The following EDARADD variants were observed in gnomAD, a reference collection of about 807,000 sequenced individuals.
EDARADD encodes the protein EDAR associated via death domain, also known as ectodysplasin-A receptor-associated adapter protein.
EDARADD carries 20 observed loss-of-function variants against 25.6 expected under a neutral mutation model. The observed-to-expected ratio is 0.78, with a 90% confidence interval of 0.55 to 1.14. The LOEUF is 1.14. Ranked by LOEUF, EDARADD falls within the 50% of genes most tolerant of loss-of-function variation. The pLI is 0.00. For synonymous variants in EDARADD, 86 were observed against 94.4 expected, an observed-to-expected ratio of 0.91 and a Z score of 0.52; for missense variants, 225 against 270.1, an observed-to-expected ratio of 0.83 and a Z score of 1.17.
intron 3 of EDARADD, among the ~76,000 whole-genome samples, chr1:236,363,704 T>C (rs956575725): frequency 2.6e-5 from 4 of 152,042 alleles, no homozygotes; most frequent in Admixed American, 1.3e-4. Context: ...CACAAATAAT[T>C]TTTAAAAAGA....
intron 1 of EDARADD, among the ~76,000 whole-genome samples, chr1:236,396,638 T>C (rs1250740048): frequency 1.3e-5 from 2 of 152,140 alleles, no homozygotes; most frequent in East Asian, 3.9e-4. Flanking sequence ...ACAACTAAGT[T>C]GGCATTGTGA....
At chr1:236,470,459 G>A (rs72753397) in intron 5 of EDARADD, among the ~76,000 whole-genome samples, 9,818 of 152,250 alleles carry the variant, frequency 0.064, 468 homozygotes, top group Non-Finnish European at 0.091. Context: ...ACAGAAATTT[G>A]TTTAGAAATA....
At position 236,432,875 on chromosome 1, in the gene EDARADD, T is replaced by C. The variant is rs1658142278; in HGVS notation, c.219+5425T>C. Among the ~76,000 whole-genome samples, 7 of 150,718 alleles carry C rather than the reference T, an allele frequency of 4.6e-5. No individual in the cohort carries two copies. In the South Asian group the frequency reaches 1.5e-3, roughly 32 times the overall value. ...TGAGCCTGGGAGGCTGTGGCTGCAG[T>C]GAGCTGTGACTGTGCTGCTGCACTC... is the stretch of plus-strand genomic sequence containing the variant. On this transcript the variant is annotated intron_variant, in intron 4 of 5. Coordinates refer to ENST00000334232, the MANE Select transcript of EDARADD (RefSeq NM_145861.4).
chr1:236,419,010 A>G (rs1657713152), intron 3 of EDARADD, among the ~76,000 whole-genome samples: 1 of 152,240 alleles, frequency 6.6e-6, no homozygotes, highest in African/African-American at 2.4e-5. Context: ...TACAATGGTA[A>G]CAACTCTCCA....
intron 3 of EDARADD, among the ~76,000 whole-genome samples, chr1:236,420,684 G>A (rs114933078): frequency 1.3e-5 from 2 of 152,206 alleles, no homozygotes; most frequent in Non-Finnish European, 2.9e-5. Context: ...TGTCTGAAAG[G>A]CTTAGTAAAA....
intron 4 of EDARADD, among the ~76,000 whole-genome samples, chr1:236,438,807 GGTGC>G (rs1170116404): frequency 2.0e-5 from 3 of 151,802 alleles, no homozygotes; most frequent in Non-Finnish European, 4.4e-5. Flanking sequence ...GCATCGTAAC[GGTGC>G]GTTTGTTATG....
chr1:236,463,569 GCGTGCGCCACTGTGC>G (rs1481769318), intron 4 of EDARADD, among the ~76,000 whole-genome samples: 1 of 152,262 alleles, frequency 6.6e-6, no homozygotes, highest in African/African-American at 2.4e-5. Flanking sequence ...GGGATTACAG[GCGTGCGCCACTGTGC>G]CGGGCCCATT....
At chr1:236,447,170 C>CTTTT (rs1491458683) in intron 4 of EDARADD, among the ~76,000 whole-genome samples, 1 of 93,624 alleles carries the variant, frequency 1.1e-5, no homozygotes, top group African/African-American at 5.1e-5. Context: ...CCCTCCCTCC[C>CTTTT]TCTTTCTTTC....
Position 236,483,345 on chromosome 1 carries a change from G to T in EDARADD, c.*696G>T. 1.3e-6 allele frequency: 2 copies of T among 1,581,736 alleles called. No individual in the cohort carries two copies. The highest frequency in any genetic ancestry group is 1.7e-6 in the Non-Finnish European group (2 of 1,153,476). On this transcript the variant is annotated 3_prime_UTR_variant, in exon 6 of 6. Coordinates refer to ENST00000334232, the MANE Select transcript of EDARADD (RefSeq NM_145861.4). ...TGATAAGACTCGCTATATGGGGAAG[G>T]GTGTCTCAAAGCCTGTTGAGCCCAT...
intron 4 of EDARADD, among the ~76,000 whole-genome samples, chr1:236,461,028 G>A (rs986923051): frequency 1.3e-5 from 2 of 152,002 alleles, no homozygotes; most frequent in Non-Finnish European, 2.9e-5. Context: ...CATCGTGTTG[G>A]CCAGGATGGT....
intron 3 of EDARADD, among the ~76,000 whole-genome samples, chr1:236,371,007 A>C (rs1667166809): frequency 6.6e-6 from 1 of 152,222 alleles, no homozygotes; most frequent in African/African-American, 2.4e-5. Context: ...GACGTCTTTC[A>C]CTGTCTCAAT....
At position 236,395,371 on chromosome 1, in the gene EDARADD, C is replaced by T. The variant is rs1558108805; in HGVS notation, c.61+866C>T. 8.1e-6 allele frequency: 11 copies of T among 1,366,332 alleles called. No homozygotes were observed. The highest frequency in any genetic ancestry group is 1.0e-5 in the Non-Finnish European group (11 of 1,058,770). 84.6% of individuals were successfully genotyped at this position (1,366,332 alleles called of 1,614,324 possible). On this transcript the variant is annotated intron_variant, in intron 1 of 5. Coordinates refer to ENST00000334232, the MANE Select transcript of EDARADD (RefSeq NM_145861.4). This position sits in a 1 kb window ranked among gnomAD's most constrained non-coding sequence, Gnocchi z 6.9. ...CGGCACCCCGGCTCCCGCCCCGCGC[C>T]TCTGGAGGGAGGTACCGAGGGACGC...
At chr1:236,361,874 G>A (rs1037584456) in intron 3 of EDARADD, among the ~76,000 whole-genome samples, 1 of 151,804 alleles carries the variant, frequency 6.6e-6, no homozygotes, top group Non-Finnish European at 1.5e-5. Context: ...GAACATCCGT[G>A]TATACGTTTT....
At chr1:236,356,660 G>A (rs1666978765) in intron 3 of EDARADD, among the ~76,000 whole-genome samples, 1 of 152,062 alleles carries the variant, frequency 6.6e-6, no homozygotes, top group Non-Finnish European at 1.5e-5. Context: ...TGTAAATGGT[G>A]GGCTATAGCA....
At chr1:236,450,151 G>A (rs943517533) in intron 4 of EDARADD, among the ~76,000 whole-genome samples, 1 of 151,484 alleles carries the variant, frequency 6.6e-6, no homozygotes, top group Non-Finnish European at 1.5e-5. Flanking sequence ...AATGATGAGG[G>A]CCCAGTGTGG....
chr1:236,405,770 TTTC>T (rs1329907613), intron 1 of EDARADD, among the ~76,000 whole-genome samples: 4 of 60,760 alleles, frequency 6.6e-5, no homozygotes, highest in African/African-American at 2.4e-4. Flanking sequence ...TCTTTCTTTC[TTTC>T]TTTCTTTCTT....
chr1:236,421,200 G>A (rs571579562), intron 3 of EDARADD, among the ~76,000 whole-genome samples: 2 of 147,194 alleles, frequency 1.4e-5, no homozygotes, highest in East Asian at 2.0e-4. Flanking sequence ...GACACTGTGC[G>A]TCATGCAGGG....
rs58718772 is a variant in EDARADD at position 236,440,245 on chromosome 1, A to G, written c.219+12795A>G. Among the ~76,000 whole-genome samples, 1,208 of 152,274 alleles carry G rather than the reference A, an allele frequency of 7.9e-3. 21 individuals are homozygous for G. The highest frequency in any genetic ancestry group is 0.027 in the African/African-American group (1,141 of 41,574). On this transcript the variant is annotated intron_variant, in intron 4 of 5. Transcript: ENST00000334232. ...GCTTTTATTTGTCTCTTGTTTGCCA[A>G]TACCACACTGTTTTGATTACTGTAG...
intron 4 of EDARADD, among the ~76,000 whole-genome samples, chr1:236,450,025 C>T (rs971252883): frequency 4.0e-5 from 6 of 151,698 alleles, no homozygotes; most frequent in Admixed American, 6.6e-5. Flanking sequence ...CCCTTGAACC[C>T]GGGAGGCGGA....
Sources: allele counts gnomAD v4.1 joint callset (sites outside exome capture counted in the v4.1 genomes callset), GRCh38; gene constraint gnomAD v4.1.1; non-coding constraint Gnocchi (gnomAD v3.1); transcripts MANE v1.5; gene names NCBI Gene and HGNC (gene_info 2026-07-23, HGNC 2026-07-21).